The following EFL1 variants were observed in gnomAD, a reference collection of about 807,000 sequenced individuals.
EFL1 encodes elongation factor like GTPase 1.
EFL1 carries 76 observed loss-of-function variants against 126.7 expected under a neutral mutation model. The ratio of observed to expected loss-of-function variants is 0.60; its 90% CI spans 0.50 to 0.73. The LOEUF is 0.73. Ranked by LOEUF, EFL1 falls within the 30% of genes least tolerant of loss-of-function variation. The pLI is 0.00. For missense variants in EFL1, 1,128 were observed against 1,343.2 expected, an observed-to-expected ratio of 0.84 and a Z score of 2.50; for synonymous variants, 410 against 448.4, an observed-to-expected ratio of 0.91 and a Z score of 1.08.
intron 19 of EFL1, among the ~76,000 whole-genome samples, chr15:82,132,831 G>A (rs2073672930): frequency 6.6e-6 from 1 of 152,086 alleles, no homozygotes; most frequent in Non-Finnish European, 1.5e-5. Flanking sequence ...GAGGGTTTGT[G>A]CTATAATTTT....
At chr15:82,153,094 C>T (rs2073931200) in intron 17 of EFL1, among the ~76,000 whole-genome samples, 1 of 152,120 alleles carries the variant, frequency 6.6e-6, no homozygotes, top group Non-Finnish European at 1.5e-5. Context: ...TGAAATGCGG[C>T]TAGTATGACT....
At chr15:82,130,656 G>GA in intron 19 of EFL1, 95 bp from the exon 20 acceptor site, 2 of 1,350,710 alleles carry the variant, frequency 1.5e-6, no homozygotes, top group Admixed American at 2.3e-5. Flanking sequence ...CTTAGCTAAT[G>GA]AAAAAAAGTT....
chr15:82,194,511 T>C (rs2074389834), intron 15 of EFL1, among the ~76,000 whole-genome samples: 1 of 152,126 alleles, frequency 6.6e-6, no homozygotes, highest in Non-Finnish European at 1.5e-5. Flanking sequence ...TTCCAAAACA[T>C]GAGAATTTAA....
chr15:82,207,991 G>A (rs1162739587), intron 15 of EFL1, among the ~76,000 whole-genome samples: 1 of 152,128 alleles, frequency 6.6e-6, no homozygotes, highest in African/African-American at 2.4e-5. Flanking sequence ...AAAGTGCTGG[G>A]ATTACAGGCG....
At chr15:82,136,106 T>C (rs978743543) in intron 19 of EFL1, among the ~76,000 whole-genome samples, 1 of 151,598 alleles carries the variant, frequency 6.6e-6, no homozygotes, top group African/African-American at 2.4e-5. Flanking sequence ...TATACATTTT[T>C]CTAAAAAAAA....
intron 17 of EFL1, among the ~76,000 whole-genome samples, chr15:82,155,669 T>C (rs1267392079): frequency 2.6e-5 from 4 of 152,188 alleles, no homozygotes; most frequent in South Asian, 2.1e-4. Context: ...TATTCCAAAA[T>C]AGTTGTACCA....
intron 18 of EFL1, among the ~76,000 whole-genome samples, chr15:82,142,166 A>G (rs2073796213): frequency 6.6e-6 from 1 of 152,170 alleles, no homozygotes; most frequent in Admixed American, 6.5e-5. Flanking sequence ...TTTCCACTGG[A>G]TATCTGTTCC....
chr15:82,220,053 C>A (rs1021198944), intron 13 of EFL1, 25 bp downstream of exon 13: 5 of 1,575,360 alleles, frequency 3.2e-6, no homozygotes, highest in Non-Finnish European at 1.7e-6. Flanking sequence ...TACTTTGCAA[C>A]AGAGCCTACT....
At chr15:82,133,958 C>T (rs1337183377) in intron 19 of EFL1, among the ~76,000 whole-genome samples, 1 of 152,144 alleles carries the variant, frequency 6.6e-6, no homozygotes, top group Non-Finnish European at 1.5e-5. Context: ...CCAGAGTGAA[C>T]GTGGTGTGAG....
rs544540778 is a variant in EFL1, at chr15:82,201,065, G to T, written c.1750+13652C>A. 9.5e-4 allele frequency among the ~76,000 whole-genome samples: 144 copies of T among 152,252 alleles called. 1 individual carries two copies. The highest frequency in any genetic ancestry group is 3.4e-3 in the African/African-American group (142 of 41,538). On this transcript the variant is annotated intron_variant, in intron 15 of 19. Coordinates refer to ENST00000268206, the MANE Select transcript of EFL1 (RefSeq NM_024580.6). ...TTATTTTTCTATTGTTTGTAGAAAC[G>T]GGGTCCCACTATGTTGCCAAGGCTG...
In EFL1 at chr15:82,138,759, T is replaced by G; in HGVS notation, c.3073A>C (p.Lys1025Gln). The change falls in exon 19 of 20, where the codon AAG becomes CAG. Residue 1025 changes from lysine to glutamine, a missense_variant. Transcript: ENST00000268206. ...MKEGTDMFII[K>Q]AVLPVAESFG... ...CTTTCAGCAACAGGCAGCACAGCCTTGATGATGAACATGTCTGTCCCTTCT... is the reference window on the plus strand; with the variant it reads ...CTTTCAGCAACAGGCAGCACAGCCTGGATGATGAACATGTCTGTCCCTTCT... The G allele has an allele frequency of 1.2e-6, 2 of 1,614,054 alleles. No individual in the cohort carries two copies. The highest frequency in any genetic ancestry group is 1.7e-5 in the Admixed American group (1 of 60,022).
At chr15:82,235,895 T>A (rs913663933) in intron 7 of EFL1, among the ~76,000 whole-genome samples, 1 of 151,802 alleles carries the variant, frequency 6.6e-6, no homozygotes, top group East Asian at 1.9e-4. Context: ...AGGAAAAAAA[T>A]ACAACAACCC....
Position 82,138,809 on chromosome 15 carries a change from CCTT to C in EFL1, c.3020_3022del (p.Glu1007del). On this transcript the variant is annotated inframe_deletion, in exon 19 of 20. Coordinates refer to ENST00000268206, the MANE Select transcript of EFL1 (RefSeq NM_024580.6). ...TTTCATTTCTTCTTGAAGTACCCGA[CCTT>C]CTCTCTTTGACAAGACAGCATAGAC... The C allele has an allele frequency of 6.2e-7, 1 of 1,613,832 alleles. No individual in the cohort carries two copies. The highest frequency in any genetic ancestry group is 8.5e-7 in the Non-Finnish European group (1 of 1,179,846).
chr15:82,214,630 C>A, intron 15 of EFL1, 87 bp downstream of exon 15: 2 of 1,435,778 alleles, frequency 1.4e-6, no homozygotes, highest in Non-Finnish European at 1.9e-6. Flanking sequence ...TAAAGTTATT[C>A]CCTTCAAAAA....
chr15:82,138,507 A>C, intron 19 of EFL1, 151 bp downstream of exon 19: 1 of 752,058 alleles, frequency 1.3e-6, no homozygotes, highest in Non-Finnish European at 2.1e-6. Flanking sequence ...CTGGATGAAA[A>C]AGCCATTTGC....
At chr15:82,163,222 A>T (rs1292348326) in intron 16 of EFL1, among the ~76,000 whole-genome samples, 2 of 152,194 alleles carry the variant, frequency 1.3e-5, no homozygotes, top group African/African-American at 4.8e-5. Context: ...TTGAGATAAG[A>T]TTCCAACTAA....
chr15:82,212,664 A>G (rs747199974), intron 15 of EFL1, among the ~76,000 whole-genome samples: 7 of 152,316 alleles, frequency 4.6e-5, no homozygotes, highest in African/African-American at 9.6e-5. Flanking sequence ...GAGGCACCTC[A>G]GGCATCACCA....
intron 5 of EFL1, 21 bp downstream of exon 5, chr15:82,241,249 T>C (rs199762500): frequency 1.2e-6 from 2 of 1,613,216 alleles, no homozygotes; most frequent in African/African-American, 2.7e-5. Context: ...ATTTAAGTAT[T>C]TTCTCATCAC....
At chr15:82,229,226 C>T in intron 8 of EFL1, 116 bp from the exon 9 acceptor site, 1 of 839,538 alleles carries the variant, frequency 1.2e-6, no homozygotes, top group South Asian at 2.1e-5. Flanking sequence ...AATATTTATT[C>T]AAAAATAAAG....
Sources: gnomAD v4.1 joint callset for allele counts (sites outside exome capture counted in the v4.1 genomes callset) on GRCh38, gnomAD v4.1.1 for gene constraint, MANE v1.5 for transcripts, NCBI Gene and HGNC (gene_info 2026-07-23, HGNC 2026-07-21) for gene names.